UBE2W: variants seen among roughly 807,000 people sequenced by gnomAD.
UBE2W encodes ubiquitin conjugating enzyme E2 W.
In UBE2W, 18 loss-of-function variants were observed where a neutral mutation model predicts 27.2. That is an observed-to-expected ratio of 0.66 (90% CI 0.46 to 0.98). UBE2W has a LOEUF of 0.98. Ranked by LOEUF, UBE2W falls within the 50% of genes least tolerant of loss-of-function variation. The pLI is 0.00. For missense variants in UBE2W, 90 were observed against 180.2 expected (o/e 0.50, Z 2.87); for synonymous variants, 53 against 57.2 (o/e 0.93, Z 0.33).
intron 1 of UBE2W, among the ~76,000 whole-genome samples, chr8:73,832,775 A>C (rs1267880915): frequency 6.6e-6 from 1 of 152,226 alleles, no homozygotes; most frequent in East Asian, 1.9e-4. Flanking sequence ...AAAATGTTTC[A>C]GATTTTGGAG....
chr8:73,817,724 G>A (rs1218173093), intron 3 of UBE2W, among the ~76,000 whole-genome samples: 2 of 152,148 alleles, frequency 1.3e-5, no homozygotes, highest in Admixed American at 6.5e-5. Flanking sequence ...TGTTGGCCAG[G>A]TTGGTCTCAA....
chr8:73,807,909 AG>A (rs1349853727), intron 4 of UBE2W, among the ~76,000 whole-genome samples: 1 of 152,244 alleles, frequency 6.6e-6, no homozygotes, highest in Non-Finnish European at 1.5e-5. Context: ...CAAACTGAAA[AG>A]TTTGAACAAT....
rs895005256 is a variant in UBE2W at position 73,803,902 on chromosome 8, G to C, written c.442+1749C>G. Among the ~76,000 whole-genome samples the C allele has an allele frequency of 3.3e-5, 5 of 151,874 alleles. No homozygotes were observed. The South Asian group carries it at 1.0e-3, about 32-fold the overall frequency. ...CTGACTCGGCCTCCCGAGTAACTGG[G>C]ACTACAGGCGCCTGCCACCACGCCC... is the stretch of plus-strand genomic sequence containing the variant. On this transcript the variant is annotated intron_variant, in intron 5 of 5. Transcript: ENST00000602593.
In UBE2W at chr8:73,805,766, A is replaced by G. The variant is rs774812866; in HGVS notation, c.367-40T>C. On this transcript the variant is annotated intron_variant, in intron 4 of 5. Transcript: ENST00000602593. ...AATTTAAATAGGTTGAAAAACAGAA[A>G]AACTGAGAGGGTGACAGTTTTAATA... is the stretch of plus-strand genomic sequence containing the variant. 3.4e-5 allele frequency: 42 copies of G among 1,232,786 alleles called. No homozygotes were observed. In the East Asian group the frequency reaches 1.1e-3, roughly 32 times the overall value. 76.4% of individuals were successfully genotyped at this position (1,232,786 alleles called of 1,614,324 possible).
chr8:73,866,290 A>AATATATATATATATATATATATAT (rs71269958), intron 1 of UBE2W, among the ~76,000 whole-genome samples: 2 of 43,092 alleles, frequency 4.6e-5, no homozygotes, highest in African/African-American at 9.9e-5. Flanking sequence ...AAAAAAAAAA[A>AATATATATATATATATATATATAT]ATATATATAT....
In UBE2W at chr8:73,793,002, T is replaced by C. The variant is rs1808264706; in HGVS notation, c.*1100A>G. ...CAAAAATGTATTTCTTATTTTAGGGTACAGGATTAAAGGACAAGATGATAC... is the reference window on the plus strand; with the variant it reads ...CAAAAATGTATTTCTTATTTTAGGGCACAGGATTAAAGGACAAGATGATAC... On this transcript the variant is annotated 3_prime_UTR_variant, in exon 6 of 6. Transcript: ENST00000602593. The C allele has an allele frequency of 2.0e-6, 2 of 985,328 alleles. No individual in the cohort carries two copies. 61.0% of individuals were successfully genotyped at this position (985,328 alleles called of 1,614,324 possible). A position where few individuals can be genotyped will look rare whatever the true frequency, so the allele number is the denominator to read the frequency against.
intron 1 of UBE2W, among the ~76,000 whole-genome samples, chr8:73,858,127 G>A (rs1182376453): frequency 3.9e-5 from 6 of 151,958 alleles, no homozygotes; most frequent in South Asian, 2.1e-4. Flanking sequence ...TTGGGAGGCC[G>A]AGGTGGGTGG....
intron 1 of UBE2W, among the ~76,000 whole-genome samples, chr8:73,849,260 C>T (rs746263031): frequency 4.0e-4 from 60 of 151,784 alleles, no homozygotes; most frequent in Non-Finnish European, 6.3e-4. Context: ...TCATGTAATC[C>T]CAGCACTGTG....
intron 2 of UBE2W, among the ~76,000 whole-genome samples, chr8:73,828,591 G>A (rs1309998640): frequency 6.6e-6 from 1 of 151,976 alleles, no homozygotes; most frequent in African/African-American, 2.4e-5. Flanking sequence ...TATTTTTTAA[G>A]GTCTCAATAT....
At chr8:73,872,801 T>A (rs1164017672) in intron 1 of UBE2W, among the ~76,000 whole-genome samples, 5 of 152,214 alleles carry the variant, frequency 3.3e-5, no homozygotes, top group Non-Finnish European at 7.3e-5. Context: ...TTACTTTATG[T>A]ATCATATTTT....
intron 1 of UBE2W, among the ~76,000 whole-genome samples, chr8:73,847,816 T>C (rs1810878961): frequency 1.4e-5 from 2 of 147,922 alleles, no homozygotes; most frequent in South Asian, 2.2e-4. Flanking sequence ...GCAGGAGAAT[T>C]GCTTGAACCC....
intron 1 of UBE2W, among the ~76,000 whole-genome samples, chr8:73,844,343 T>C (rs1810677128): frequency 6.6e-6 from 1 of 152,186 alleles, no homozygotes; most frequent in Non-Finnish European, 1.5e-5. Context: ...GAGACAGGGT[T>C]TCGCCGTGTT....
At chr8:73,803,425 T>C (rs1003875748) in intron 5 of UBE2W, among the ~76,000 whole-genome samples, 3 of 152,344 alleles carry the variant, frequency 2.0e-5, no homozygotes, top group East Asian at 1.9e-4. Context: ...TGTATTTCAA[T>C]GATCTGTTCT....
chr8:73,874,488 C>A (rs1812137429), intron 1 of UBE2W, among the ~76,000 whole-genome samples: 1 of 151,992 alleles, frequency 6.6e-6, no homozygotes, highest in Non-Finnish European at 1.5e-5. Flanking sequence ...ACAAAAAATT[C>A]AATTTTAGGA....
intron 1 of UBE2W, among the ~76,000 whole-genome samples, chr8:73,843,261 T>C (rs1054669187): frequency 7.9e-5 from 12 of 152,168 alleles, no homozygotes; most frequent in Non-Finnish European, 1.2e-4. Flanking sequence ...AAGGGTATGG[T>C]TGCACAACAG....
intron 5 of UBE2W, among the ~76,000 whole-genome samples, 179 bp downstream of exon 5, chr8:73,805,472 C>CA: frequency 1.4e-4 from 6 of 43,676 alleles, no homozygotes; most frequent in East Asian, 1.1e-3. Flanking sequence ...AAAAAAAAAA[C>CA]AAAAAAAACT....
At chr8:73,829,233 C>T (rs1193246543) in intron 2 of UBE2W, among the ~76,000 whole-genome samples, 2 of 151,976 alleles carry the variant, frequency 1.3e-5, no homozygotes, top group African/African-American at 2.4e-5. Flanking sequence ...TGTGTGGTTT[C>T]CCCATCCTCC....
intron 3 of UBE2W, among the ~76,000 whole-genome samples, chr8:73,822,423 G>C (rs1255516536): frequency 1.3e-5 from 2 of 151,852 alleles, no homozygotes; most frequent in Non-Finnish European, 2.9e-5. Context: ...TCACTAAAAT[G>C]CTAATTAGGC....
chr8:73,786,565 C>A lies in UBE2W; in HGVS notation c.*7537G>T. On this transcript the variant is annotated 3_prime_UTR_variant, in exon 6 of 6. Coordinates refer to ENST00000602593, the MANE Select transcript of UBE2W (RefSeq NM_018299.6). Reference sequence around the variant, plus strand: ...AAGGACAAGGATGATAACCTTTCAGCTACCTTTGAACTAGACCTTTCAGGT... The same window carrying A: ...AAGGACAAGGATGATAACCTTTCAGATACCTTTGAACTAGACCTTTCAGGT... 1 of 985,420 alleles carries A rather than the reference C, an allele frequency of 1.0e-6. No individual in the cohort carries two copies. Among genetic ancestry groups the A allele is most frequent in the Non-Finnish European group, 1.2e-6 (1 of 829,930 alleles). 61.0% of individuals were successfully genotyped at this position (985,420 alleles called of 1,614,324 possible).
Sources: allele counts gnomAD v4.1 joint callset (sites outside exome capture counted in the v4.1 genomes callset), GRCh38; gene constraint gnomAD v4.1.1; transcripts MANE v1.5; gene names NCBI Gene and HGNC (gene_info 2026-07-23, HGNC 2026-07-21).